The following HEPHL1 variants were observed in gnomAD, a reference collection of about 807,000 sequenced individuals.
The protein encoded by HEPHL1 is hephaestin like 1, also known as ferroxidase HEPHL1.
Under a neutral mutation model 122.0 loss-of-function variants are expected in HEPHL1, and 123 were observed. That is an observed-to-expected ratio of 1.01 (90% CI 0.87 to 1.17). The LOEUF (loss-of-function observed/expected upper bound fraction) is 1.17. Ranked by LOEUF, HEPHL1 falls within the 50% of genes most tolerant of loss-of-function variation. The pLI, the probability that HEPHL1 is intolerant of heterozygous loss-of-function variation, is 0.00. For synonymous variants in HEPHL1, 527 were observed against 508.9 expected (o/e 1.04, Z -0.48); for missense variants, 1,452 against 1,430.5 (o/e 1.01, Z -0.24).
intron 5 of HEPHL1, 89 bp from the exon 6 acceptor site, chr11:94,070,285 G>C: frequency 7.4e-7 from 1 of 1,344,238 alleles, no homozygotes; most frequent in Non-Finnish European, 9.9e-7. Flanking sequence ...AAGCCTAAAT[G>C]TTCAAGAGCC....
intron 1 of HEPHL1, 27 bp from the exon 2 acceptor site, chr11:94,045,646 T>TA (rs1239678667): frequency 9.0e-6 from 14 of 1,547,932 alleles, no homozygotes; most frequent in Non-Finnish European, 1.2e-5. Flanking sequence ...TCATTTCAAT[T>TA]AAAAATGTTT....
intron 2 of HEPHL1, among the ~76,000 whole-genome samples, chr11:94,056,681 C>A (rs1248420022): frequency 2.0e-5 from 3 of 151,830 alleles, no homozygotes; most frequent in Non-Finnish European, 4.4e-5. Context: ...ATCTATCTAT[C>A]TATCTATCTA....
intron 9 of HEPHL1, among the ~76,000 whole-genome samples, chr11:94,082,038 G>A (rs1447161907): frequency 2.0e-5 from 3 of 152,186 alleles, no homozygotes; most frequent in African/African-American, 7.2e-5. Context: ...AAAAGGCCAG[G>A]GTGTCTGGAG....
rs187392258 is a variant in HEPHL1, at chr11:94,094,433, A to G, written c.2434+793A>G. On this transcript the variant is annotated intron_variant, in intron 13 of 19. Transcript: ENST00000315765. ...TTTGGGTTGGTTCCAAGTCTTTGCT[A>G]TTGTGAATAGTGCCACAATAAACAT... 8.9e-3 allele frequency among the ~76,000 whole-genome samples: 1,361 copies of G among 152,196 alleles called. 11 individuals carry two copies. Among genetic ancestry groups the G allele is most frequent in the Middle Eastern group, 0.017 (5 of 294 alleles).
chr11:94,030,062 A>G (rs1034270953), intron 1 of HEPHL1, among the ~76,000 whole-genome samples: 7 of 152,218 alleles, frequency 4.6e-5, no homozygotes, highest in African/African-American at 1.7e-4. Context: ...AACAGGGTAG[A>G]GAAGTAGAGT....
intron 12 of HEPHL1, among the ~76,000 whole-genome samples, chr11:94,091,300 A>C (rs1946262583): frequency 6.6e-6 from 1 of 152,214 alleles, no homozygotes; most frequent in Non-Finnish European, 1.5e-5. Context: ...TGTGCTTTAC[A>C]GATACTGACT....
Position 94,095,773 on chromosome 11 carries a change from G to C in HEPHL1, c.2434+2133G>C, listed in dbSNP as rs368579983. 9.6e-3 allele frequency among the ~76,000 whole-genome samples: 1,465 copies of C among 152,076 alleles called. 9 individuals are homozygous for C. Among genetic ancestry groups the C allele is most frequent in the South Asian group, 0.02 (97 of 4,814 alleles). ...AAGTTGGATTCCTAGGTATTTTATT[G>C]TCTTTGAAGCAATTGTGAATGGGAG... On this transcript the variant is annotated intron_variant, in intron 13 of 19. Coordinates refer to ENST00000315765, the MANE Select transcript of HEPHL1 (RefSeq NM_001098672.2).
chr11:94,041,102 A>T (rs1007718644), intron 1 of HEPHL1, among the ~76,000 whole-genome samples: 6 of 143,506 alleles, frequency 4.2e-5, no homozygotes, highest in African/African-American at 1.6e-4. Flanking sequence ...GAGCCAAATC[A>T]TGAGTGAACT....
At chr11:94,095,208 A>G (rs1946300913) in intron 13 of HEPHL1, among the ~76,000 whole-genome samples, 1 of 152,134 alleles carries the variant, frequency 6.6e-6, no homozygotes, top group Non-Finnish European at 1.5e-5. Context: ...TCAGCTTTCT[A>G]CATATGGCTA....
rs1945830939 is a variant in HEPHL1 at position 94,045,870 on chromosome 11, C to A, written c.368C>A (p.Pro123His). 1.9e-6 allele frequency: 3 copies of A among 1,613,768 alleles called. No homozygotes were observed. The highest frequency in any genetic ancestry group is 2.5e-6 in the Non-Finnish European group (3 of 1,179,824). ...VIHLKNFASR[P>H]YSLHPHGVFY... ...CATTTAAAGAACTTTGCTTCTCGAC[C>A]TTACTCTCTGCATCCACATGGCGTT... The change falls in exon 2 of 20, where the codon CCT becomes CAT. Residue 123 changes from proline (P) to histidine (H), a missense_variant. Physicochemically the swap from Pro to His is moderately conservative, Grantham distance 77. Transcript: ENST00000315765.
At chr11:94,089,058 G>A in intron 12 of HEPHL1, 90 bp downstream of exon 12, 1 of 1,183,794 alleles carries the variant, frequency 8.4e-7, no homozygotes, top group Admixed American at 1.7e-5. Flanking sequence ...AAATTCCCAG[G>A]TTGTGTCTCC....
Position 94,114,006 on chromosome 11 carries a change from CT to C in HEPHL1, c.*2114del, listed in dbSNP as rs939753222. Among the ~76,000 whole-genome samples, 8 of 152,320 alleles carry C rather than the reference CT, an allele frequency of 5.3e-5. No individual in the cohort carries two copies. Among genetic ancestry groups the C allele is most frequent in the African/African-American group, 1.9e-4 (8 of 41,574 alleles). ...TCTGCCTTCACTTACACACATATTT[CT>C]TCCTATTACAATACACGTGTCCCTG... On this transcript the variant is annotated 3_prime_UTR_variant, in exon 20 of 20. Coordinates refer to ENST00000315765, the MANE Select transcript of HEPHL1 (RefSeq NM_001098672.2).
At chr11:94,074,436 T>G (rs921413072) in intron 8 of HEPHL1, among the ~76,000 whole-genome samples, 9 of 145,054 alleles carry the variant, frequency 6.2e-5, no homozygotes, top group African/African-American at 2.0e-4. Context: ...CTTAAAAAAA[T>G]AAAAGAAAAA....
chr11:94,062,108 A>G (rs954542548), intron 2 of HEPHL1, among the ~76,000 whole-genome samples: 2 of 152,196 alleles, frequency 1.3e-5, no homozygotes, highest in Non-Finnish European at 2.9e-5. Flanking sequence ...AAAAGTAATT[A>G]AAAGTATGTA....
chr11:94,042,745 G>A (rs540479356), intron 1 of HEPHL1, among the ~76,000 whole-genome samples: 119 of 134,486 alleles, frequency 8.8e-4, no homozygotes, highest in Non-Finnish European at 1.5e-3. Context: ...GGAGGGGGTA[G>A]GGATAGCATT....
At chr11:94,038,055 G>A (rs1322529046) in intron 1 of HEPHL1, among the ~76,000 whole-genome samples, 2 of 147,252 alleles carry the variant, frequency 1.4e-5, no homozygotes, top group African/African-American at 2.5e-5. Context: ...ACCAAGGCTC[G>A]AGAACTATGT....
Position 94,086,002 on chromosome 11 carries a change from C to A in HEPHL1, c.1893C>A (p.Asn631Lys), listed in dbSNP as rs1005064121. The A allele has an allele frequency of 5.0e-6, 8 of 1,613,732 alleles. No individual in the cohort carries two copies. Among genetic ancestry groups the A allele is most frequent in the Non-Finnish European group, 6.8e-6 (8 of 1,179,824 alleles). The change falls in exon 11 of 20, where the codon AAC (asparagine) becomes AAA (lysine). Residue 631 changes from asparagine to lysine, a missense_variant. By Grantham distance (94) the Asn-to-Lys change is moderately conservative. Coordinates refer to ENST00000315765, the MANE Select transcript of HEPHL1 (RefSeq NM_001098672.2). ...CTGTTAACGGCTACATGTATGGCAA[C>A]CAGCCAGGCTTAAACATGTGTAAAA... Reference protein sequence around the residue: ...MHAVNGYMYGNQPGLNMCKRD... With the variant: ...MHAVNGYMYGKQPGLNMCKRD...
At position 94,099,392 on chromosome 11, in the gene HEPHL1, G is replaced by A. The variant is rs376354945; in HGVS notation, c.2435-1803G>A. Among the ~76,000 whole-genome samples the A allele has an allele frequency of 5.3e-5, 8 of 152,296 alleles. No individual in the cohort carries two copies. The East Asian group carries it at 9.7e-4, about 18-fold the overall frequency. On this transcript the variant is annotated intron_variant, in intron 13 of 19. Transcript: ENST00000315765. The stretch of plus-strand genomic sequence containing the variant: ...TCTGGAAGCTTCATCTCAGAGGGGT[G>A]CCTGGCCGTGTGAGGTGTCAGTCTG...
intron 1 of HEPHL1, among the ~76,000 whole-genome samples, chr11:94,035,308 C>T (rs1482037638): frequency 2.0e-5 from 3 of 152,204 alleles, no homozygotes; most frequent in East Asian, 3.9e-4. Flanking sequence ...CTCTTGACTA[C>T]AAACGTACTT....
Sources: gnomAD v4.1 joint callset for allele counts (sites outside exome capture counted in the v4.1 genomes callset) on GRCh38, gnomAD v4.1.1 for gene constraint, MANE v1.5 for transcripts, NCBI Gene and HGNC (gene_info 2026-07-23, HGNC 2026-07-21) for gene names.